TARS3: variants seen among roughly 807,000 people sequenced by gnomAD.
The protein encoded by TARS3 is threonine--tRNA ligase 2, cytoplasmic.
In TARS3, 94 loss-of-function variants were observed where a neutral mutation model predicts 103.5. That is an observed-to-expected ratio of 0.91 (90% confidence interval 0.77 to 1.08). The LOEUF (loss-of-function observed/expected upper bound fraction) is 1.08, where lower values mean the gene tolerates loss of function less well. Among genes scored for constraint, TARS3 ranks in the 50% least tolerant of loss-of-function variants. TARS3 has a pLI of 0.00. For missense variants in TARS3, 952 were observed against 995.2 expected (o/e 0.96, Z 0.58); for synonymous variants, 416 against 355.4 (o/e 1.17, Z -1.92).
chr15:101,671,831 T>C (rs1472085593), intron 13 of TARS3, 83 bp from the exon 14 acceptor site: 1 of 1,082,602 alleles, frequency 9.2e-7, no homozygotes, highest in Non-Finnish European at 1.4e-6. Flanking sequence ...ACTATAACTC[T>C]TCATTACAGT....
At chr15:101,723,671 G>C (rs1348892156) in intron 1 of TARS3, among the ~76,000 whole-genome samples, 1 of 152,148 alleles carries the variant, frequency 6.6e-6, no homozygotes, top group Non-Finnish European at 1.5e-5. Context: ...AGCACAAAAA[G>C]CGAAAACTTC....
At chr15:101,682,937 T>G (rs1456919420) in intron 12 of TARS3, among the ~76,000 whole-genome samples, 1 of 152,222 alleles carries the variant, frequency 6.6e-6, no homozygotes, top group Non-Finnish European at 1.5e-5. Flanking sequence ...TTCATAAAAC[T>G]GCCTTATCTT....
rs751777181 is a variant in TARS3, at chr15:101,724,027, T to C, written c.297+64A>G. 2,396 of 1,305,760 alleles carry C rather than the reference T, an allele frequency of 1.8e-3. 3 individuals are homozygous for C. Among genetic ancestry groups the C allele is most frequent in the Non-Finnish European group, 1.9e-3 (1,975 of 1,021,702 alleles). 80.9% of individuals were successfully genotyped at this position (1,305,760 alleles called of 1,614,324 possible). On this transcript the variant is annotated intron_variant, in intron 1 of 18. Coordinates refer to ENST00000335968, the MANE Select transcript of TARS3 (RefSeq NM_152334.3). ...ACCTGCCCCCGCAGTTGAAAACCTT[T>C]CGGTGCGCACCGTCTCGGCCCGCCC...
chr15:101,658,096 T>G (rs1230466761), intron 16 of TARS3, among the ~76,000 whole-genome samples: 2 of 152,204 alleles, frequency 1.3e-5, no homozygotes, highest in African/African-American at 4.8e-5. Context: ...CCCAAAGGGC[T>G]GAGCATGCAC....
intron 7 of TARS3, 37 bp from the exon 8 acceptor site, chr15:101,703,974 T>G (rs868008638): frequency 6.9e-7 from 1 of 1,458,792 alleles, no homozygotes. Flanking sequence ...CAGGCACAGT[T>G]ACAGTGTTCT....
chr15:101,667,397 G>C (rs1428745843), intron 15 of TARS3, among the ~76,000 whole-genome samples: 4 of 152,108 alleles, frequency 2.6e-5, no homozygotes, highest in African/African-American at 9.7e-5. Context: ...TTCCTTTCTA[G>C]CTATGAAAGT....
intron 15 of TARS3, among the ~76,000 whole-genome samples, chr15:101,662,281 T>C (rs532613760): frequency 3.5e-4 from 53 of 151,778 alleles, no homozygotes; most frequent in African/African-American, 1.1e-3. Flanking sequence ...GAAAAAAAAA[T>C]GAAAAAAGCA....
At chr15:101,699,369 C>T (rs574714766) in intron 10 of TARS3, 4 of 455,608 alleles carry the variant, frequency 8.8e-6, no homozygotes, top group Non-Finnish European at 1.8e-5. Flanking sequence ...CATTTAAGTG[C>T]CTTTACAGTT....
chr15:101,704,251 G>A (rs1899427207), intron 7 of TARS3, among the ~76,000 whole-genome samples: 1 of 152,174 alleles, frequency 6.6e-6, no homozygotes, highest in African/African-American at 2.4e-5. Context: ...CTCTCTCAAT[G>A]GTCAGTCTTT....
chr15:101,719,506 C>A (rs1222800274), intron 3 of TARS3, among the ~76,000 whole-genome samples: 1 of 152,226 alleles, frequency 6.6e-6, no homozygotes, highest in African/African-American at 2.4e-5. Context: ...CCATTCCTCT[C>A]TTCCATGGTA....
chr15:101,698,209 G>A (rs933236852), intron 10 of TARS3, among the ~76,000 whole-genome samples: 2 of 152,136 alleles, frequency 1.3e-5, no homozygotes, highest in Admixed American at 6.5e-5. Flanking sequence ...GCAGGCGCCT[G>A]TGGTCCCAGC....
At chr15:101,714,362 G>A (rs111830352) in intron 4 of TARS3, among the ~76,000 whole-genome samples, 36 of 152,176 alleles carry the variant, frequency 2.4e-4, no homozygotes, top group African/African-American at 8.2e-4. Context: ...CTAGCACTAT[G>A]GGAGGCTGAG....
chr15:101,707,669 G>C (rs866789063), intron 6 of TARS3, among the ~76,000 whole-genome samples: 29 of 151,558 alleles, frequency 1.9e-4, no homozygotes, highest in Middle Eastern at 3.4e-3. Context: ...ACGGAGAGTA[G>C]AATGGTGGTG....
chr15:101,654,844 A>C, intron 18 of TARS3, 114 bp from the exon 19 acceptor site: 20 of 965,024 alleles, frequency 2.1e-5, no homozygotes, highest in Non-Finnish European at 3.1e-5. Flanking sequence ...ATTAAATATC[A>C]TCTAATGAGC....
At chr15:101,722,728 A>G (rs900160737) in intron 2 of TARS3, among the ~76,000 whole-genome samples, 1 of 150,498 alleles carries the variant, frequency 6.6e-6, no homozygotes, top group Non-Finnish European at 1.5e-5. Flanking sequence ...CTGAGGCAGG[A>G]GAATCGCTTG....
chr15:101,656,274 C>T (rs1897195887), intron 18 of TARS3, among the ~76,000 whole-genome samples: 1 of 152,248 alleles, frequency 6.6e-6, no homozygotes, highest in Non-Finnish European at 1.5e-5. Flanking sequence ...ACAATACCTA[C>T]TCTGGTGTCA....
At chr15:101,693,265 G>A (rs752955141) in intron 10 of TARS3, among the ~76,000 whole-genome samples, 2 of 152,090 alleles carry the variant, frequency 1.3e-5, no homozygotes, top group African/African-American at 4.8e-5. Flanking sequence ...CATGGCTGGT[G>A]GGGGGGCCTC....
chr15:101,701,210 C>T, intron 9 of TARS3, 26 bp from the exon 10 acceptor site: 1 of 1,408,222 alleles, frequency 7.1e-7, no homozygotes, highest in South Asian at 1.3e-5. Context: ...AATTGCATTT[C>T]AAATGTCATC....
intron 12 of TARS3, among the ~76,000 whole-genome samples, chr15:101,681,771 T>G (rs1316736133): frequency 6.6e-6 from 1 of 152,172 alleles, no homozygotes; most frequent in Non-Finnish European, 1.5e-5. Flanking sequence ...TACACCTAAT[T>G]ACTTCCCAAA....
Sources: allele counts gnomAD v4.1 joint callset (sites outside exome capture counted in the v4.1 genomes callset), GRCh38; gene constraint gnomAD v4.1.1; transcripts MANE v1.5; gene names NCBI Gene and HGNC (gene_info 2026-07-23, HGNC 2026-07-21).